TCF12: variants seen among roughly 807,000 people sequenced by gnomAD.
TCF12 encodes DNA-binding protein HTF4.
Under a neutral mutation model 86.0 loss-of-function variants are expected in TCF12, and 45 were observed. The ratio of observed to expected loss-of-function variants is 0.52; its 90% CI spans 0.41 to 0.67. The LOEUF (loss-of-function observed/expected upper bound fraction) is 0.67, where lower values mean the gene tolerates loss of function less well. Ranked by LOEUF, TCF12 falls within the 30% of genes least tolerant of loss-of-function variation. The probability of loss-of-function intolerance (pLI) is 0.00; values close to 1 mark genes in which losing one functional copy is unlikely to be tolerated. For missense variants in TCF12, 881 were observed against 859.9 expected (o/e 1.02, Z -0.31); for synonymous variants, 330 against 299.6 (o/e 1.10, Z -1.05).
At chr15:56,953,653 T>A (rs1436538901) in intron 3 of TCF12, among the ~76,000 whole-genome samples, 2 of 152,066 alleles carry the variant, frequency 1.3e-5, no homozygotes, top group African/African-American at 4.8e-5. Flanking sequence ...TGAGCTTTGA[T>A]AATTTGTGTT....
intron 4 of TCF12, among the ~76,000 whole-genome samples, chr15:57,075,796 T>TC (rs1567370337): frequency 4.6e-4 from 12 of 26,064 alleles, no homozygotes; most frequent in Non-Finnish European, 8.0e-5. Context: ...CTTTCTTTCT[T>TC]TCTTTCTTTC....
intron 7 of TCF12, among the ~76,000 whole-genome samples, chr15:57,194,476 T>C (rs1439339761): frequency 2.0e-5 from 3 of 152,198 alleles, no homozygotes; most frequent in African/African-American, 7.2e-5. Context: ...TCTTTATGGC[T>C]GTTTCTCATT....
In TCF12 at chr15:57,075,758, T is replaced by TTTTCTTTCTTTC. The variant is rs762262996; in HGVS notation, c.222+11973_222+11984dup. On this transcript the variant is annotated intron_variant, in intron 4 of 20. Transcript: ENST00000333725. ...TTTTCTGGACATGACATGAGGTTTC[T>TTTTCTTTCTTTC]TTTCTTTCTTTCTTTCTTTCTTTCT... Among the ~76,000 whole-genome samples the TTTTCTTTCTTTC allele has an allele frequency of 2.2e-3, 197 of 91,262 alleles. 9 individuals are homozygous for TTTTCTTTCTTTC. Among genetic ancestry groups the TTTTCTTTCTTTC allele is most frequent in the Non-Finnish European group, 3.1e-3 (137 of 44,120 alleles). 59.9% of individuals were successfully genotyped at this position (91,262 alleles called of 152,430 possible).
At chr15:57,197,152 C>CTTTTTTTTTTTTTTT (rs138145337) in intron 7 of TCF12, among the ~76,000 whole-genome samples, 1,018 of 87,200 alleles carry the variant, frequency 0.012, 85 homozygotes, top group Non-Finnish European at 0.015. Context: ...AGAACAGCTT[C>CTTTTTTTTTTTTTTT]TTTTTTTTTT....
At position 57,232,448 on chromosome 15, in the gene TCF12, A is replaced by G. The variant is rs765083494; in HGVS notation, c.825+18A>G. The G allele has an allele frequency of 6.3e-7, 1 of 1,583,904 alleles. No homozygotes were observed. ...ACCGCTTGGTAGGCTATAACACGTGACTAGGGTACAGCAACACTTTGTCCT... is the reference window on the plus strand; with the variant it reads ...ACCGCTTGGTAGGCTATAACACGTGGCTAGGGTACAGCAACACTTTGTCCT... On this transcript the variant is annotated intron_variant, in intron 10 of 20. Transcript: ENST00000333725.
chr15:57,232,436 C>G lies in TCF12; in HGVS notation c.825+6C>G, dbSNP rs774542313. The G allele has an allele frequency of 8.1e-6, 13 of 1,597,056 alleles. No homozygotes were observed. Among genetic ancestry groups the G allele is most frequent in the Middle Eastern group, 1.7e-4 (1 of 5,978 alleles). ...TTCATTCACATGACCGCTTGGTAGG[C>G]TATAACACGTGACTAGGGTACAGCA... is the stretch of plus-strand genomic sequence containing the variant. On this transcript the variant is annotated splice_donor_region_variant and intron_variant, in intron 10 of 20. Transcript: ENST00000333725.
At chr15:57,126,451 TCTCCAGTATAACATG>T (rs2151318000) in intron 5 of TCF12, among the ~76,000 whole-genome samples, 1 of 152,286 alleles carries the variant, frequency 6.6e-6, no homozygotes, top group South Asian at 2.1e-4. Context: ...CTCTCCATCC[TCTCCAGTATAACATG>T]CTCTGTGTCA....
chr15:56,943,639 G>A (rs779482743), intron 3 of TCF12, among the ~76,000 whole-genome samples: 5 of 152,172 alleles, frequency 3.3e-5, no homozygotes, highest in Non-Finnish European at 7.4e-5. Context: ...AGGTTTCAAA[G>A]CTGATCCATG....
chr15:57,002,237 A>G (rs1403041815), intron 3 of TCF12, among the ~76,000 whole-genome samples: 1 of 152,142 alleles, frequency 6.6e-6, no homozygotes, highest in South Asian at 2.1e-4. Context: ...TGTTGGGGGT[A>G]TAGTTACCTG....
rs541108322 is a variant in TCF12, at chr15:57,044,369, C to T, written c.149-19381C>T. ...TTGAGGTCAGGAGTTTGAGATAAGA[C>T]TGGCCAACATGATGAAACCCCGTCT... On this transcript the variant is annotated intron_variant, in intron 3 of 20. Coordinates refer to ENST00000333725, the MANE Select transcript of TCF12 (RefSeq NM_207037.2). Among the ~76,000 whole-genome samples, 38 of 152,138 alleles carry T rather than the reference C, an allele frequency of 2.5e-4. 1 individual carries two copies. The South Asian group carries it at 7.7e-3, about 31-fold the overall frequency.
chr15:56,983,156 A>G (rs2062977059), intron 3 of TCF12, among the ~76,000 whole-genome samples: 1 of 152,178 alleles, frequency 6.6e-6, no homozygotes. Flanking sequence ...GTGAACCTTG[A>G]TATGTATTCA....
At chr15:57,254,285 A>G (rs2060246304) in intron 16 of TCF12, among the ~76,000 whole-genome samples, 1 of 152,306 alleles carries the variant, frequency 6.6e-6, no homozygotes, top group Admixed American at 6.5e-5. Flanking sequence ...TAATTGCCCT[A>G]AATGCTGAAG....
intron 6 of TCF12, among the ~76,000 whole-genome samples, chr15:57,189,082 C>A (rs1464251559): frequency 6.6e-6 from 1 of 152,164 alleles, no homozygotes; most frequent in Non-Finnish European, 1.5e-5. Context: ...AGCTGCCACG[C>A]CTAGCCTACA....
chr15:57,075,800 TTC>T (rs1319856093), intron 4 of TCF12, among the ~76,000 whole-genome samples: 4 of 20,486 alleles, frequency 2.0e-4, no homozygotes, highest in Admixed American at 6.2e-4. Flanking sequence ...CTTTCTTTCT[TTC>T]TTTCTCTCTC....
At chr15:57,202,813 G>A (rs1269445780) in intron 8 of TCF12, among the ~76,000 whole-genome samples, 1 of 152,112 alleles carries the variant, frequency 6.6e-6, no homozygotes, top group East Asian at 1.9e-4. Flanking sequence ...TTTGTAAAAG[G>A]GGATGATAAT....
intron 6 of TCF12, among the ~76,000 whole-genome samples, chr15:57,167,542 C>T (rs2054992071): frequency 6.6e-6 from 1 of 150,460 alleles, no homozygotes; most frequent in Non-Finnish European, 1.5e-5. Context: ...ACCAGGGTGA[C>T]AGTAAGACTC....
At chr15:57,012,802 G>A (rs1040330681) in intron 3 of TCF12, among the ~76,000 whole-genome samples, 1 of 152,148 alleles carries the variant, frequency 6.6e-6, no homozygotes, top group East Asian at 1.9e-4. Context: ...GGAACTTGGT[G>A]GTTTGTCAGA....
In TCF12 at chr15:57,286,692, A is replaced by G. The variant is rs1332212679; in HGVS notation, c.*547A>G. 6.6e-6 allele frequency: 3 copies of G among 456,194 alleles called. No homozygotes were observed. The highest frequency in any genetic ancestry group is 6.0e-5 in the African/African-American group (3 of 50,046). The allele number at this position is 456,194 out of a possible 1,614,324, so 28.3% of individuals were successfully genotyped here. On this transcript the variant is annotated 3_prime_UTR_variant, in exon 21 of 21. Coordinates refer to ENST00000333725, the MANE Select transcript of TCF12 (RefSeq NM_207037.2). ...CTATTAGTGTCTTAAAAAGGAAGGG[A>G]AAAGTCTTTTGTTGCCCTCTCCTAT...
chr15:57,078,346 C>G (rs2733189), intron 4 of TCF12, among the ~76,000 whole-genome samples: 3,234 of 152,192 alleles, frequency 0.021, 127 homozygotes, highest in African/African-American at 0.07. Context: ...CATCCTGTCC[C>G]CTAGACTACT....
Sources: allele counts gnomAD v4.1 joint callset (sites outside exome capture counted in the v4.1 genomes callset), GRCh38; gene constraint gnomAD v4.1.1; transcripts MANE v1.5; gene names NCBI Gene and HGNC (gene_info 2026-07-23, HGNC 2026-07-21).